GNL3L: variants seen among roughly 807,000 people sequenced by gnomAD.
GNL3L encodes guanine nucleotide-binding protein-like 3-like protein.
Under a neutral mutation model 42.9 loss-of-function variants are expected in GNL3L, and 4 were observed. That is an observed-to-expected ratio of 0.09 (90% CI 0.05 to 0.21). GNL3L has a LOEUF of 0.21. GNL3L is among the 10% of genes least tolerant of loss of function. The pLI, the probability that GNL3L is intolerant of heterozygous loss-of-function variation, is 1.00. For missense variants in GNL3L, 412 were observed against 481.7 expected (o/e 0.86, Z 1.36); for synonymous variants, 159 against 176.3 (o/e 0.90, Z 0.78).
chrX:54,605,029 T>A (rs2147529192), intron 16 of GNL3L, among the ~76,000 whole-genome samples: 1 of 111,304 alleles, frequency 9.0e-6, no homozygotes, highest in African/African-American at 3.3e-5. Context: ...TCTGGTTGTA[T>A]GTTTCTGAGA....
At position 54,551,857 on chromosome X, in the gene GNL3L, G is replaced by C; in HGVS notation, c.1064G>C (p.Gly355Ala). The change falls in exon 12 of 16, where the codon GGG (glycine) becomes GCG (alanine). Residue 355 changes from glycine to alanine, a missense_variant. Coordinates refer to ENST00000360845, the MANE Select transcript of GNL3L (RefSeq NM_001184819.2). ...ATTTCCAACTATTATGGCGTCTCTG[G>C]GTTCCAGACCACTGAGCACTTTCTG... is the stretch of plus-strand genomic sequence containing the variant. Reference protein sequence around the residue: ...EEISNYYGVSGFQTTEHFLTA... With the variant: ...EEISNYYGVSAFQTTEHFLTA... 8.3e-7 allele frequency: 1 copy of C among 1,211,515 alleles called. No homozygotes were observed. Among genetic ancestry groups the C allele is most frequent in the African/African-American group, 1.7e-5 (1 of 57,899 alleles).
chrX:54,607,697 C>T (rs1926114692), intron 16 of GNL3L, among the ~76,000 whole-genome samples: 1 of 111,513 alleles, frequency 9.0e-6, no homozygotes, highest in Admixed American at 9.5e-5. Flanking sequence ...TATGAGTCTG[C>T]TCCAATAAAT....
chrX:54,635,016 T>C, the GNL3L span, among the ~76,000 whole-genome samples: 1 of 109,331 alleles, frequency 9.1e-6, no homozygotes, highest in Non-Finnish European at 1.9e-5. Context: ...GGTCTTGAAC[T>C]CCTGACATCA....
chrX:54,546,578 A>G (rs1158927399), intron 8 of GNL3L, among the ~76,000 whole-genome samples: 1 of 112,574 alleles, frequency 8.9e-6, no homozygotes, highest in Admixed American at 9.4e-5. Context: ...AACATTTGAT[A>G]GCATTAAACT....
At chrX:54,629,311 G>A in the GNL3L span, among the ~76,000 whole-genome samples, 2 of 111,479 alleles carry the variant, frequency 1.8e-5, no homozygotes, top group Non-Finnish European at 3.8e-5. Context: ...TTGAATAGAA[G>A]TGGTGAAAGT....
intron 14 of GNL3L, among the ~76,000 whole-genome samples, chrX:54,556,405 C>G (rs893523378): frequency 7.2e-5 from 8 of 110,857 alleles, no homozygotes; most frequent in Non-Finnish European, 1.5e-4. Flanking sequence ...CCCCATGATT[C>G]AATTACTTCC....
intron 1 of GNL3L, among the ~76,000 whole-genome samples, chrX:54,531,753 C>T (rs1193355008): frequency 1.8e-5 from 2 of 111,292 alleles, no homozygotes; most frequent in Non-Finnish European, 3.8e-5. Context: ...CAGGACCCAT[C>T]CCCACAATCT....
intron 16 of GNL3L, among the ~76,000 whole-genome samples, chrX:54,607,141 GTCTC>G (rs199885445): frequency 5.3e-5 from 2 of 37,391 alleles, no homozygotes; most frequent in African/African-American, 8.5e-5. Flanking sequence ...TTCTTTCTTT[GTCTC>G]TCTCTCTCTC....
At chrX:54,598,568 T>C (rs1469067035) in intron 16 of GNL3L, among the ~76,000 whole-genome samples, 2 of 111,932 alleles carry the variant, frequency 1.8e-5, no homozygotes, top group East Asian at 5.5e-4. Flanking sequence ...GATACAGATA[T>C]TGGAATTTCA....
chrX:54,622,273 ATTTTTTTTTTTTTT>A (rs773487259), downstream of GNL3L, among the ~76,000 whole-genome samples: 4 of 59,018 alleles, frequency 6.8e-5, no homozygotes, highest in Admixed American at 1.7e-4. Flanking sequence ...AGTTGCAGGA[ATTTTTTTTTTTTTT>A]TTTTTTTTTT....
chrX:54,531,756 C>T (rs1193459285), intron 1 of GNL3L, among the ~76,000 whole-genome samples: 2 of 111,314 alleles, frequency 1.8e-5, no homozygotes, highest in Admixed American at 1.9e-4. Context: ...GACCCATCCC[C>T]ACAATCTAGA....
intron 8 of GNL3L, among the ~76,000 whole-genome samples, chrX:54,547,673 C>G (rs1924813976): frequency 9.0e-6 from 1 of 111,492 alleles, no homozygotes; most frequent in Admixed American, 9.5e-5. Context: ...CCACCACACT[C>G]CTGCCTGGGT....
chrX:54,559,476 TTC>T, intron 15 of GNL3L, among the ~76,000 whole-genome samples: 1 of 112,009 alleles, frequency 8.9e-6, no homozygotes, highest in East Asian at 2.8e-4. Context: ...ATATTCTTTG[TTC>T]TCTTTTTCCA....
At chrX:54,641,318 T>C in the GNL3L span, among the ~76,000 whole-genome samples, 1 of 111,388 alleles carries the variant, frequency 9.0e-6, no homozygotes, top group African/African-American at 3.3e-5. Context: ...AAGTCTGTCC[T>C]GTATAATGAA....
chrX:54,605,560 T>C (rs1297682074), intron 16 of GNL3L, among the ~76,000 whole-genome samples: 1 of 111,824 alleles, frequency 8.9e-6, no homozygotes, highest in Non-Finnish European at 1.9e-5. Context: ...ACTGTGCTGA[T>C]CTTAGAAACA....
chrX:54,579,826 C>T (rs753251142), intron 16 of GNL3L, among the ~76,000 whole-genome samples: 29 of 111,186 alleles, frequency 2.6e-4, no homozygotes, highest in African/African-American at 8.8e-4. Context: ...TACAGGCATG[C>T]GCCACAACGC....
At chrX:54,613,609 G>A (rs1466521968) in intron 16 of GNL3L, among the ~76,000 whole-genome samples, 1 of 111,142 alleles carries the variant, frequency 9.0e-6, no homozygotes, top group African/African-American at 3.3e-5. Flanking sequence ...TTCCCTTGAT[G>A]TAGTAGTCTC....
chrX:54,644,973 G>A, the GNL3L span, among the ~76,000 whole-genome samples: 1 of 111,428 alleles, frequency 9.0e-6, no homozygotes, highest in African/African-American at 3.3e-5. Flanking sequence ...TATGTTTTAT[G>A]TGTTCCTTGT....
chrX:54,611,696 C>T (rs1926162858), intron 16 of GNL3L, among the ~76,000 whole-genome samples: 1 of 111,913 alleles, frequency 8.9e-6, no homozygotes, highest in Admixed American at 9.5e-5. Flanking sequence ...TTTCATTCCA[C>T]TGTGGTCTGA....
Sources: gnomAD v4.1 joint callset for allele counts (sites outside exome capture counted in the v4.1 genomes callset) on GRCh38, gnomAD v4.1.1 for gene constraint, MANE v1.5 for transcripts, NCBI Gene and HGNC (gene_info 2026-07-23, HGNC 2026-07-21) for gene names.